Variants in PTK2 observed in about 807,000 individuals in gnomAD.
PTK2 encodes the protein focal adhesion kinase 1.
A neutral mutation model predicts 150.1 loss-of-function variants in PTK2; 45 were observed. That is an observed-to-expected ratio of 0.30 (90% CI 0.24 to 0.38). PTK2 has a LOEUF of 0.38. Among genes scored for constraint, PTK2 ranks in the 10% least tolerant of loss-of-function variants. PTK2 has a pLI of 1.00. For missense variants in PTK2, 919 were observed against 1,307.3 expected, an observed-to-expected ratio of 0.70 and a Z score of 4.58; for synonymous variants, 432 against 449.2, an observed-to-expected ratio of 0.96 and a Z score of 0.48.
At chr8:140,775,033 G>A (rs1374813993) in intron 14 of PTK2, among the ~76,000 whole-genome samples, 4 of 152,230 alleles carry the variant, frequency 2.6e-5, no homozygotes, top group Non-Finnish European at 4.4e-5. Context: ...TGCCTATGGA[G>A]TAGCCATTCT....
At chr8:140,758,922 T>C (rs747550678) in intron 16 of PTK2, among the ~76,000 whole-genome samples, 8 of 152,194 alleles carry the variant, frequency 5.3e-5, no homozygotes, top group Non-Finnish European at 1.0e-4. Flanking sequence ...ACAGTACTTT[T>C]TCTATATTTA....
chr8:140,784,916 A>G (rs559147814), intron 14 of PTK2, among the ~76,000 whole-genome samples: 4 of 152,358 alleles, frequency 2.6e-5, no homozygotes, highest in Admixed American at 1.3e-4. Context: ...AGGTGATCCA[A>G]TAACTACCTT....
intron 10 of PTK2, among the ~76,000 whole-genome samples, chr8:140,816,893 T>A (rs781469029): frequency 2.6e-5 from 4 of 152,254 alleles, no homozygotes; most frequent in Admixed American, 6.5e-5. Flanking sequence ...ATCCAACAGC[T>A]TCTTTTAAAA....
chr8:140,884,512 C>T (rs1277833609), intron 3 of PTK2, among the ~76,000 whole-genome samples: 1 of 152,148 alleles, frequency 6.6e-6, no homozygotes, highest in Non-Finnish European at 1.5e-5. Flanking sequence ...CATACATTCA[C>T]CTGCTCCTCT....
chr8:140,774,098 G>A lies in PTK2; in HGVS notation c.1178-9808C>T, dbSNP rs534109057. 1.6e-4 allele frequency among the ~76,000 whole-genome samples: 24 copies of A among 152,260 alleles called. No homozygotes were observed. In the East Asian group the frequency reaches 4.1e-3, roughly 26 times the overall value. On this transcript the variant is annotated intron_variant, in intron 14 of 31. Coordinates refer to ENST00000522684, the Ensembl canonical transcript of PTK2. ...AATCCTACCTATTCCCTTTTAGAAG[G>A]CTCCCAGGAAGCCTTTGAAAAATGA... is the stretch of plus-strand genomic sequence containing the variant.
chr8:140,673,443 A>T (rs1043013541), intron 29 of PTK2, among the ~76,000 whole-genome samples: 1 of 152,178 alleles, frequency 6.6e-6, no homozygotes, highest in Non-Finnish European at 1.5e-5. Context: ...CACTAAGAAA[A>T]AAAAATGCTG....
intron 18 of PTK2, among the ~76,000 whole-genome samples, chr8:140,745,052 A>T (rs1220497374): frequency 6.7e-6 from 1 of 148,636 alleles, no homozygotes; most frequent in African/African-American, 2.5e-5. Context: ...TGGAATGAAC[A>T]AAAGCACAGT....
At chr8:140,798,664 T>C (rs988415168) in intron 12 of PTK2, among the ~76,000 whole-genome samples, 1 of 152,196 alleles carries the variant, frequency 6.6e-6, no homozygotes, top group Non-Finnish European at 1.5e-5. Context: ...TTTAAATGTG[T>C]ATGTCAAGGA....
At chr8:140,878,648 T>C (rs751564480) in intron 4 of PTK2, among the ~76,000 whole-genome samples, 1 of 152,058 alleles carries the variant, frequency 6.6e-6, no homozygotes, top group Non-Finnish European at 1.5e-5. Context: ...TTAAAATGTC[T>C]ACCCTAATCA....
chr8:140,695,444 T>A (rs1273589995), intron 26 of PTK2, among the ~76,000 whole-genome samples: 1 of 149,916 alleles, frequency 6.7e-6, no homozygotes, highest in African/African-American at 2.5e-5. Flanking sequence ...AGAGTCTCAC[T>A]CTGTCACCCA....
chr8:140,783,893 T>A (rs2100083286), intron 14 of PTK2, among the ~76,000 whole-genome samples: 2 of 152,174 alleles, frequency 1.3e-5, no homozygotes, highest in African/African-American at 4.8e-5. Flanking sequence ...GCGTGGTGGC[T>A]CACGACTAAT....
chr8:140,842,102 T>C (rs2100122679), intron 7 of PTK2, among the ~76,000 whole-genome samples: 2 of 152,096 alleles, frequency 1.3e-5, no homozygotes, highest in African/African-American at 4.8e-5. Context: ...ATTAAAACTA[T>C]GCATTGAATG....
intron 14 of PTK2, among the ~76,000 whole-genome samples, chr8:140,783,310 ATTTCCATCAGGC>A (rs2100082954): frequency 6.6e-6 from 1 of 152,188 alleles, no homozygotes; most frequent in African/African-American, 2.4e-5. Flanking sequence ...CAAGATCAAG[ATTTCCATCAGGC>A]TATTACTTAC....
intron 27 of PTK2, among the ~76,000 whole-genome samples, chr8:140,679,986 G>A (rs2100016116): frequency 6.6e-6 from 1 of 152,194 alleles, no homozygotes; most frequent in Non-Finnish European, 1.5e-5. Context: ...AGTCTGTTGA[G>A]CAAGGCTGGC....
chr8:140,889,425 C>T (rs986499734), intron 3 of PTK2, among the ~76,000 whole-genome samples: 4 of 151,864 alleles, frequency 2.6e-5, no homozygotes, highest in African/African-American at 4.8e-5. Flanking sequence ...GATGGGGTTT[C>T]GCCATGTTGG....
intron 2 of PTK2, among the ~76,000 whole-genome samples, chr8:140,905,615 A>G (rs193156063): frequency 6.6e-6 from 1 of 152,282 alleles, no homozygotes; most frequent in Non-Finnish European, 1.5e-5. Flanking sequence ...AGACAGATCA[A>G]CAAGACAGAA....
chr8:140,725,594 G>T (rs376076799), intron 22 of PTK2, among the ~76,000 whole-genome samples: 1 of 152,128 alleles, frequency 6.6e-6, no homozygotes, highest in Non-Finnish European at 1.5e-5. Flanking sequence ...AAAGGTAATC[G>T]GAAAAAAGTG....
chr8:140,974,714 G>A (rs1359860594), intron 1 of PTK2, among the ~76,000 whole-genome samples: 3 of 152,096 alleles, frequency 2.0e-5, no homozygotes, highest in Non-Finnish European at 2.9e-5. Flanking sequence ...CCTTTTGGTT[G>A]GACTCCTTTC....
At chr8:140,983,931 G>A (rs2100192385) in intron 1 of PTK2, 1 of 152,256 alleles carries the variant, frequency 6.6e-6, no homozygotes, top group African/African-American at 2.4e-5. Flanking sequence ...AAGGTGGGTG[G>A]ATCACCTGAA....
Sources: allele counts gnomAD v4.1 joint callset (sites outside exome capture counted in the v4.1 genomes callset), GRCh38; gene constraint gnomAD v4.1.1; transcripts MANE v1.5; gene names NCBI Gene and HGNC (gene_info 2026-07-23, HGNC 2026-07-21).